Variants in RBFOX1 observed in about 807,000 individuals in gnomAD.
RBFOX1 encodes the protein RNA binding fox-1 homolog 1.
A neutral mutation model predicts 57.7 loss-of-function variants in RBFOX1; 8 were observed. That is an observed-to-expected ratio of 0.14 (90% CI 0.08 to 0.25). The LOEUF (loss-of-function observed/expected upper bound fraction) is 0.25. Ranked by LOEUF, RBFOX1 falls within the 10% of genes least tolerant of loss-of-function variation. RBFOX1 has a pLI of 1.00. For missense variants in RBFOX1, 611 were observed against 548.5 expected (o/e 1.11, Z -1.14); for synonymous variants, 326 against 222.4 (o/e 1.47, Z -4.15).
intron 1 of RBFOX1, among the ~76,000 whole-genome samples, chr16:6,213,643 C>T (rs1001721556): frequency 1.3e-5 from 2 of 152,146 alleles, no homozygotes; most frequent in African/African-American, 4.8e-5. Context: ...TGAGTCTGTG[C>T]TCTTATTTCA....
chr16:5,281,862 A>T (rs753986811), intron 1 of RBFOX1, among the ~76,000 whole-genome samples: 1 of 152,162 alleles, frequency 6.6e-6, no homozygotes, highest in Non-Finnish European at 1.5e-5. Flanking sequence ...ATCATTTTTT[A>T]TCCGTTAAGC....
intron 1 of RBFOX1, among the ~76,000 whole-genome samples, chr16:6,149,944 A>G (rs545930930): frequency 6.6e-6 from 1 of 152,338 alleles, no homozygotes; most frequent in South Asian, 2.1e-4. Flanking sequence ...ACTGATTCAG[A>G]TGGAGGTAAG....
At chr16:6,732,102 C>T (rs1358598869) in intron 3 of RBFOX1, among the ~76,000 whole-genome samples, 1 of 152,214 alleles carries the variant, frequency 6.6e-6, no homozygotes. Context: ...CTCTTTCAGT[C>T]TTCCCTTTGC....
intron 1 of RBFOX1, among the ~76,000 whole-genome samples, chr16:5,402,233 T>A (rs953367645): frequency 1.3e-5 from 2 of 152,068 alleles, no homozygotes; most frequent in African/African-American, 4.8e-5. Context: ...CTGGAGAAGA[T>A]CTGGAAGGAA....
intron 4 of RBFOX1, among the ~76,000 whole-genome samples, chr16:7,113,330 T>C (rs573997606): frequency 9.9e-5 from 15 of 152,284 alleles, no homozygotes; most frequent in East Asian, 3.9e-4. Flanking sequence ...TGAGGACTTA[T>C]ACAATATAAT....
chr16:6,791,782 G>A (rs937342098), intron 3 of RBFOX1, among the ~76,000 whole-genome samples: 4 of 152,016 alleles, frequency 2.6e-5, no homozygotes, highest in African/African-American at 7.2e-5. Context: ...CAAACCAGGT[G>A]CAGGACCCTT....
intron 2 of RBFOX1, among the ~76,000 whole-genome samples, chr16:6,517,474 C>G (rs2096403153): frequency 6.6e-6 from 1 of 152,112 alleles, no homozygotes; most frequent in South Asian, 2.1e-4. Context: ...TTTCTGATAC[C>G]AGTGTCTCCT....
chr16:5,574,900 C>G (rs1207319432), intron 2 of RBFOX1, among the ~76,000 whole-genome samples: 4 of 152,150 alleles, frequency 2.6e-5, no homozygotes, highest in African/African-American at 9.7e-5. Context: ...TGGTGGCCGC[C>G]CAGACACTGT....
intron 14 of RBFOX1, among the ~76,000 whole-genome samples, chr16:7,698,608 C>G (rs955509826): frequency 6.6e-6 from 1 of 152,204 alleles, no homozygotes; most frequent in African/African-American, 2.4e-5. Flanking sequence ...GGCCATTCCT[C>G]TAACTGATCC....
At chr16:5,313,745 C>T (rs911172539) in intron 1 of RBFOX1, among the ~76,000 whole-genome samples, 1 of 152,160 alleles carries the variant, frequency 6.6e-6, no homozygotes, top group South Asian at 2.1e-4. Context: ...GCGAGAACAG[C>T]ATGAGAAAGA....
chr16:6,839,463 G>C (rs1195105290), intron 3 of RBFOX1, among the ~76,000 whole-genome samples: 1 of 152,168 alleles, frequency 6.6e-6, no homozygotes, highest in East Asian at 1.9e-4. Context: ...GCTATCTGCT[G>C]AACAGCTCTG....
At chr16:7,680,776 C>G (rs2074527624) in intron 14 of RBFOX1, among the ~76,000 whole-genome samples, 2 of 152,024 alleles carry the variant, frequency 1.3e-5, no homozygotes, top group Admixed American at 6.6e-5. Context: ...TTTTGTGTGA[C>G]AAAAATGACA....
chr16:5,900,089 A>C (rs540021784), intron 4 of RBFOX1, among the ~76,000 whole-genome samples: 2 of 152,312 alleles, frequency 1.3e-5, no homozygotes, highest in Admixed American at 1.3e-4. Flanking sequence ...AAAACCAAAC[A>C]AAACAAAACC....
At chr16:5,549,761 C>T (rs895097644) in intron 2 of RBFOX1, among the ~76,000 whole-genome samples, 1 of 152,110 alleles carries the variant, frequency 6.6e-6, no homozygotes. Flanking sequence ...CATCTCATTT[C>T]ACCCTGGAAA....
intron 4 of RBFOX1, among the ~76,000 whole-genome samples, chr16:7,089,945 A>T (rs540833330): frequency 6.6e-6 from 1 of 151,838 alleles, no homozygotes; most frequent in African/African-American, 2.4e-5. Context: ...TTAAATTGGA[A>T]CAGCTGGATG....
At chr16:5,815,554 C>T (rs1309935245) in intron 3 of RBFOX1, among the ~76,000 whole-genome samples, 1 of 152,162 alleles carries the variant, frequency 6.6e-6, no homozygotes, top group African/African-American at 2.4e-5. Flanking sequence ...GAAAGTCCAT[C>T]TCCTTCTCTC....
intron 6 of RBFOX1, among the ~76,000 whole-genome samples, chr16:7,584,768 T>G (rs2094004191): frequency 1.3e-5 from 2 of 152,172 alleles, no homozygotes; most frequent in African/African-American, 2.4e-5. Flanking sequence ...AACTTCCCAA[T>G]TAAACTGTTG....
intron 4 of RBFOX1, among the ~76,000 whole-genome samples, chr16:7,225,773 A>C (rs1249320606): frequency 2.2e-5 from 2 of 88,952 alleles, no homozygotes; most frequent in African/African-American, 9.2e-5. Context: ...GGGAGGGGGG[A>C]GGGATAGCAT....
intron 2 of RBFOX1, among the ~76,000 whole-genome samples, chr16:6,518,791 G>GTCTGTCTGTCTGTC (rs1567531526): frequency 5.7e-5 from 8 of 140,886 alleles, no homozygotes; most frequent in African/African-American, 1.8e-4. Context: ...GTCTGTCTGT[G>GTCTGTCTGTCTGTC]TGTCTGTCTA....
Sources: allele counts gnomAD v4.1 joint callset (sites outside exome capture counted in the v4.1 genomes callset), GRCh38; gene constraint gnomAD v4.1.1; transcripts MANE v1.5; gene names NCBI Gene and HGNC (gene_info 2026-07-23, HGNC 2026-07-21).